The following GXYLT2 variants were observed in gnomAD, a reference collection of about 807,000 sequenced individuals.
The protein encoded by GXYLT2 is glycosyltransferase 8 domain containing 4.
In GXYLT2, 53 loss-of-function variants were observed where a neutral mutation model predicts 45.8. The observed-to-expected ratio is 1.16, with a 90% CI of 0.93 to 1.46. The LOEUF is 1.46. Ranked by LOEUF, GXYLT2 falls within the 40% of genes most tolerant of loss-of-function variation. The pLI, the probability that GXYLT2 is intolerant of heterozygous loss-of-function variation, is 0.00. For synonymous variants in GXYLT2, 219 were observed against 214.2 expected, an observed-to-expected ratio of 1.02 and a Z score of -0.19; for missense variants, 551 against 544.4, an observed-to-expected ratio of 1.01 and a Z score of -0.12.
At chr3:72,944,141 G>A (rs1448380151) in intron 3 of GXYLT2, among the ~76,000 whole-genome samples, 2 of 150,690 alleles carry the variant, frequency 1.3e-5, no homozygotes, top group Admixed American at 1.3e-4. Flanking sequence ...AGGCTGGAGT[G>A]CAGTAGTGTG....
At chr3:72,949,512 T>C (rs1213726143) in intron 3 of GXYLT2, among the ~76,000 whole-genome samples, 3 of 120,446 alleles carry the variant, frequency 2.5e-5, no homozygotes, top group Admixed American at 8.9e-5. Context: ...CTTTTTTTTT[T>C]TTTTTTTTTT....
At chr3:72,922,182 C>G (rs1304264801) in intron 2 of GXYLT2, 22 bp from the exon 3 acceptor site, 1 of 1,609,474 alleles carries the variant, frequency 6.2e-7, no homozygotes, top group Non-Finnish European at 8.5e-7. Context: ...ATCACCCTTC[C>G]CTTGCTTCCC....
chr3:72,956,669 A>G (rs1710654749), intron 4 of GXYLT2, among the ~76,000 whole-genome samples: 1 of 152,012 alleles, frequency 6.6e-6, no homozygotes, highest in Non-Finnish European at 1.5e-5. Flanking sequence ...GAGGTGGGTC[A>G]CTCGAGGTCA....
At chr3:72,898,362 A>G (rs77262434) in intron 1 of GXYLT2, among the ~76,000 whole-genome samples, 3 of 152,202 alleles carry the variant, frequency 2.0e-5, no homozygotes, top group African/African-American at 7.2e-5. Flanking sequence ...TCGTATGTCA[A>G]CAGCCATTTA....
At chr3:72,951,488 G>A (rs190101700) in intron 3 of GXYLT2, among the ~76,000 whole-genome samples, 2 of 152,148 alleles carry the variant, frequency 1.3e-5, no homozygotes, top group Admixed American at 6.5e-5. Context: ...TGAGTACTTC[G>A]TGGGTTTCAT....
intron 3 of GXYLT2, among the ~76,000 whole-genome samples, chr3:72,935,708 T>A (rs556527800): frequency 4.0e-4 from 61 of 152,318 alleles, no homozygotes; most frequent in African/African-American, 1.5e-3. Context: ...AGCAATACCT[T>A]TAAAATTCAC....
intron 1 of GXYLT2, among the ~76,000 whole-genome samples, chr3:72,907,629 C>T (rs771842992): frequency 3.9e-5 from 6 of 152,116 alleles, no homozygotes; most frequent in Non-Finnish European, 8.8e-5. Flanking sequence ...GACCCTATCC[C>T]TCTGTCAGCT....
At chr3:72,959,681 C>T (rs549953604) in intron 5 of GXYLT2, among the ~76,000 whole-genome samples, 3 of 152,144 alleles carry the variant, frequency 2.0e-5, no homozygotes, top group South Asian at 4.1e-4. Context: ...GTCACCCAGG[C>T]TGGAGTGCAA....
intron 5 of GXYLT2, among the ~76,000 whole-genome samples, chr3:72,961,487 G>A (rs1030068193): frequency 6.6e-6 from 1 of 151,936 alleles, no homozygotes; most frequent in African/African-American, 2.4e-5. Flanking sequence ...AGGCCTCATG[G>A]TTTCTGTGAT....
chr3:72,961,674 AAGAG>A (rs35904914), intron 5 of GXYLT2, among the ~76,000 whole-genome samples: 19 of 119,006 alleles, frequency 1.6e-4, no homozygotes, highest in African/African-American at 1.7e-4. Context: ...AAAAAAAAAA[AAGAG>A]AGAGAGAGAG....
At chr3:72,923,823 G>T (rs1482997382) in intron 3 of GXYLT2, among the ~76,000 whole-genome samples, 2 of 152,188 alleles carry the variant, frequency 1.3e-5, no homozygotes, top group African/African-American at 2.4e-5. Flanking sequence ...TGGAGATGGG[G>T]TCTCGCTATA....
intron 3 of GXYLT2, among the ~76,000 whole-genome samples, chr3:72,949,072 C>T (rs1301699708): frequency 6.6e-6 from 1 of 151,986 alleles, no homozygotes; most frequent in Non-Finnish European, 1.5e-5. Flanking sequence ...TATGGGTAGG[C>T]GAGGAAGCAA....
Position 72,955,146 on chromosome 3 carries a change from C to G in GXYLT2, c.649C>G (p.Leu217Val). ...ACTTCTCTACGTGGACACCGATGTC[C>G]TCTTTCTGAGACCTGTTGATGACAT... ...DSLLYVDTDV[L>V]FLRPVDDIWK... Residue 217 changes from leucine to valine, a missense_variant, in exon 4 of 7, where the codon CTC (leucine) becomes GTC (valine). By Grantham distance (32) the Leu-to-Val change is conservative. Coordinates refer to ENST00000389617, the MANE Select transcript of GXYLT2 (RefSeq NM_001080393.2). The G allele has an allele frequency of 6.2e-7, 1 of 1,613,970 alleles. No homozygotes were observed. The highest frequency in any genetic ancestry group is 8.5e-7 in the Non-Finnish European group (1 of 1,179,864).
intron 5 of GXYLT2, among the ~76,000 whole-genome samples, chr3:72,960,337 C>T (rs1338964089): frequency 2.0e-5 from 3 of 152,200 alleles, no homozygotes; most frequent in Non-Finnish European, 4.4e-5. Flanking sequence ...GTTGCCTCCC[C>T]AGTTCCTCTT....
At chr3:72,905,027 T>G (rs559720012) in intron 1 of GXYLT2, among the ~76,000 whole-genome samples, 165 of 124,066 alleles carry the variant, frequency 1.3e-3, no homozygotes, top group Admixed American at 3.1e-3. Context: ...ATTGCACCAC[T>G]GCACTCCAGC....
chr3:72,919,732 A>G (rs1709797797), intron 2 of GXYLT2, among the ~76,000 whole-genome samples: 1 of 152,198 alleles, frequency 6.6e-6, no homozygotes, highest in Non-Finnish European at 1.5e-5. Context: ...TCCAGTCTGG[A>G]TGACAGCGCG....
intron 1 of GXYLT2, chr3:72,908,142 G>A: frequency 2.0e-6 from 1 of 497,298 alleles, no homozygotes; most frequent in Non-Finnish European, 3.6e-6. Context: ...GACACCTATA[G>A]CAGTCCAAAC....
At chr3:72,961,818 A>G (rs1267388684) in intron 5 of GXYLT2, among the ~76,000 whole-genome samples, 2 of 152,166 alleles carry the variant, frequency 1.3e-5, no homozygotes, top group East Asian at 1.9e-4. Context: ...CTCCTTCTAC[A>G]AGGGCAATTT....
At chr3:72,892,937 T>C (rs1709209818) in intron 1 of GXYLT2, among the ~76,000 whole-genome samples, 1 of 152,176 alleles carries the variant, frequency 6.6e-6, no homozygotes, top group African/African-American at 2.4e-5. Flanking sequence ...CTCAAAAATA[T>C]GTCCCCAGTT....
Sources: allele counts gnomAD v4.1 joint callset (sites outside exome capture counted in the v4.1 genomes callset), GRCh38; gene constraint gnomAD v4.1.1; transcripts MANE v1.5; gene names NCBI Gene and HGNC (gene_info 2026-07-23, HGNC 2026-07-21).